Variants in UNC5B observed in about 807,000 individuals in gnomAD.
UNC5B encodes netrin receptor UNC5B.
In UNC5B, 56 loss-of-function variants were observed where a neutral mutation model predicts 103.7. That is an observed-to-expected ratio of 0.54 (90% CI 0.44 to 0.67). The LOEUF is 0.67. Ranked by LOEUF, UNC5B falls within the 30% of genes least tolerant of loss-of-function variation. The pLI, the probability that UNC5B is intolerant of heterozygous loss-of-function variation, is 0.00. For synonymous variants in UNC5B, 577 were observed against 542.0 expected (o/e 1.06, Z -0.90); for missense variants, 1,194 against 1,284.5 (o/e 0.93, Z 1.08).
intron 9 of UNC5B, 25 bp from the exon 10 acceptor site, chr10:71,291,407 C>G: frequency 3.8e-6 from 6 of 1,562,398 alleles, no homozygotes; most frequent in Non-Finnish European, 5.2e-6. Context: ...ACAGCTGGGT[C>G]TGACTATAGC....
Position 71,291,451 on chromosome 10 carries a change from C to A in UNC5B, c.1314C>A (p.His438Gln), listed in dbSNP as rs1222056570. ...TARPSNPQLL[H>Q]PSVPPDLTAS... Reference sequence around the variant, plus strand: ...CTGCAGGCAACCCGCAGCTCCTACACCCCTCTGTGCCTCCTGACCTGACAG... The same window carrying A: ...CTGCAGGCAACCCGCAGCTCCTACAACCCTCTGTGCCTCCTGACCTGACAG... Residue 438 changes from histidine (H) to glutamine (Q), a missense_variant, in exon 10 of 17, where the codon CAC (histidine) becomes CAA (glutamine). His to Gln is a conservative substitution (Grantham distance 24, BLOSUM62 0). Coordinates refer to ENST00000335350, the MANE Select transcript of UNC5B (RefSeq NM_170744.5). The A allele has an allele frequency of 1.2e-6, 2 of 1,611,218 alleles. No homozygotes were observed. The highest frequency in any genetic ancestry group is 1.7e-5 in the Admixed American group (1 of 59,814).
intron 1 of UNC5B, among the ~76,000 whole-genome samples, chr10:71,256,494 C>T (rs566500894): frequency 1.0e-3 from 160 of 152,384 alleles, no homozygotes; most frequent in Non-Finnish European, 2.0e-3. Flanking sequence ...GGGGCAACCA[C>T]CATTGCCTCA....
At chr10:71,258,597 G>A (rs966498459) in intron 1 of UNC5B, among the ~76,000 whole-genome samples, 6 of 152,190 alleles carry the variant, frequency 3.9e-5, no homozygotes, top group Non-Finnish European at 7.4e-5. Context: ...CGTGGTCTTG[G>A]GCAGCGTCCT....
In UNC5B at chr10:71,295,739, C is replaced by T. The variant is rs116093641; in HGVS notation, c.2176-72C>T. On this transcript the variant is annotated intron_variant, in intron 13 of 16. Transcript: ENST00000335350. ...TCAGATGGGCCCCTGCCCCCTGCCC[C>T]GCACAGTGCCACAGAAGAGGCCCAT... is the stretch of plus-strand genomic sequence containing the variant. 1.0e-3 allele frequency: 1,617 copies of T among 1,557,286 alleles called. 14 individuals carry two copies. In the African/African-American group the frequency reaches 0.019, roughly 18 times the overall value.
rs1188987813 is a variant in UNC5B at position 71,213,469 on chromosome 10, A to G, written c.79+405A>G. Among the ~76,000 whole-genome samples, 1 of 152,146 alleles carries G rather than the reference A, an allele frequency of 6.6e-6. No homozygotes were observed. The highest frequency in any genetic ancestry group is 1.9e-4 in the East Asian group (1 of 5,174). The stretch of plus-strand genomic sequence containing the variant: ...GCTCGCTGCCGTACGCCGGTAACTT[A>G]CTAGTCTGGTCCCGGCTCGCCTAGG... On this transcript the variant is annotated intron_variant, in intron 1 of 16. Transcript: ENST00000335350. This position sits in a 1 kb window ranked among gnomAD's most constrained non-coding sequence, Gnocchi z 4.1.
At chr10:71,268,586 G>A (rs931861791) in intron 1 of UNC5B, among the ~76,000 whole-genome samples, 2 of 152,240 alleles carry the variant, frequency 1.3e-5, no homozygotes, top group Non-Finnish European at 2.9e-5. Flanking sequence ...GCAGGCAACA[G>A]GCAAGGACTG....
At chr10:71,298,176 C>A in intron 16 of UNC5B, 86 bp downstream of exon 16, 2 of 1,459,340 alleles carry the variant, frequency 1.4e-6, no homozygotes, top group African/African-American at 1.4e-5. Context: ...GCCTGACAGC[C>A]ACGACCATCT....
chr10:71,285,241 C>T, intron 3 of UNC5B, 85 bp from the exon 4 acceptor site: 1 of 1,361,428 alleles, frequency 7.3e-7, no homozygotes, highest in Non-Finnish European at 1.0e-6. Flanking sequence ...TGGGTCTGCA[C>T]TGCCACCCAG....
In UNC5B at chr10:71,213,728, A is replaced by AGAGAGTGTGTGTGT. The variant is rs144371231; in HGVS notation, c.79+665_79+666insAGAGTGTGTGTGTG. 3.8e-5 allele frequency among the ~76,000 whole-genome samples: 5 copies of AGAGAGTGTGTGTGT among 131,472 alleles called. No individual in the cohort carries two copies. Among genetic ancestry groups the AGAGAGTGTGTGTGT allele is most frequent in the African/African-American group, 1.5e-4 (5 of 34,258 alleles). 86.3% of individuals were successfully genotyped at this position (131,472 alleles called of 152,430 possible). A position where few individuals can be genotyped will look rare whatever the true frequency, so the allele number is the denominator to read the frequency against. On this transcript the variant is annotated intron_variant, in intron 1 of 16. Coordinates refer to ENST00000335350, the MANE Select transcript of UNC5B (RefSeq NM_170744.5). This position sits in a 1 kb window ranked among gnomAD's most constrained non-coding sequence, Gnocchi z 4.1. ...ATTATTAATTTTCTGAGTGTTGGAG[A>AGAGAGTGTGTGTGT]GTGTGTGTGTGTGTGTGTGTGTGTG...
intron 1 of UNC5B, among the ~76,000 whole-genome samples, chr10:71,277,478 CCCA>C (rs1295034254): frequency 2.6e-5 from 4 of 152,224 alleles, no homozygotes; most frequent in African/African-American, 9.6e-5. Flanking sequence ...TTCTCTGCTG[CCCA>C]GATGCCCTCC....
chr10:71,240,977 T>TTTG (rs927951770), intron 1 of UNC5B, among the ~76,000 whole-genome samples: 3 of 152,138 alleles, frequency 2.0e-5, no homozygotes, highest in Admixed American at 6.5e-5. Flanking sequence ...ATTCTATAAT[T>TTTG]TTGTTGTTGT....
At chr10:71,251,100 C>T (rs1009330622) in intron 1 of UNC5B, among the ~76,000 whole-genome samples, 4 of 152,116 alleles carry the variant, frequency 2.6e-5, no homozygotes, top group African/African-American at 9.7e-5. Flanking sequence ...TATTGCTATC[C>T]CTGTTTTATT....
Position 71,213,171 on chromosome 10 carries a change from G to A in UNC5B, c.79+107G>A, listed in dbSNP as rs1843262432. On this transcript the variant is annotated intron_variant, in intron 1 of 16. Coordinates refer to ENST00000335350, the MANE Select transcript of UNC5B (RefSeq NM_170744.5). The surrounding 1 kb of genome is among the most constrained non-coding windows in gnomAD (Gnocchi z 4.1). ...TCGCATCGATGCGCGCAGGAAAAGC[G>A]GCAAGGGCGCCCAAGTTAGAATGTA... 3 of 941,232 alleles carry A rather than the reference G, an allele frequency of 3.2e-6. No homozygotes were observed. The highest frequency in any genetic ancestry group is 4.3e-5 in the Admixed American group (1 of 23,350). 58.3% of individuals were successfully genotyped at this position (941,232 alleles called of 1,614,324 possible).
In UNC5B at chr10:71,295,806, C is replaced by A. The variant is rs760626557; in HGVS notation, c.2176-5C>A. ...GTTCCCCTTCCCCATGCCCCTGGCC[C>A]ACAGGAGGTGCTGGAGCTGGAGCGG... On this transcript the variant is annotated splice_polypyrimidine_tract_variant and splice_region_variant and intron_variant, in intron 13 of 16. Coordinates refer to ENST00000335350, the MANE Select transcript of UNC5B (RefSeq NM_170744.5). 9 of 1,611,598 alleles carry A rather than the reference C, an allele frequency of 5.6e-6. No individual in the cohort carries two copies. The highest frequency in any genetic ancestry group is 6.8e-6 in the Non-Finnish European group (8 of 1,179,520).
At chr10:71,218,165 G>C (rs1327916387) in intron 1 of UNC5B, 1 of 152,730 alleles carries the variant, frequency 6.5e-6, no homozygotes, top group East Asian at 1.9e-4. Flanking sequence ...GGGGTGTCAG[G>C]TGTGTGTGGG....
At chr10:71,278,878 C>G (rs1018657857) in intron 1 of UNC5B, among the ~76,000 whole-genome samples, 1 of 152,266 alleles carries the variant, frequency 6.6e-6, no homozygotes, top group African/African-American at 2.4e-5. Flanking sequence ...GCATTTGGCA[C>G]TGGAAAATTC....
intron 1 of UNC5B, among the ~76,000 whole-genome samples, chr10:71,278,352 G>A (rs1844823725): frequency 6.6e-6 from 1 of 152,160 alleles, no homozygotes; most frequent in South Asian, 2.1e-4. Context: ...CACCTCTTGT[G>A]CTCATCAGAC....
intron 1 of UNC5B, among the ~76,000 whole-genome samples, chr10:71,221,989 G>GTCATCATCATCA (rs149864220): frequency 6.6e-6 from 1 of 151,494 alleles, no homozygotes; most frequent in Non-Finnish European, 1.5e-5. Context: ...ATTCACTACT[G>GTCATCATCATCA]TCATCATCAT....
chr10:71,229,807 G>A (rs1843646942), intron 1 of UNC5B, among the ~76,000 whole-genome samples: 1 of 152,166 alleles, frequency 6.6e-6, no homozygotes. Flanking sequence ...GGGTGCATGA[G>A]GGCCCCGTGT....
Sources: gnomAD v4.1 joint callset for allele counts (sites outside exome capture counted in the v4.1 genomes callset) on GRCh38, gnomAD v4.1.1 for gene constraint, Gnocchi (gnomAD v3.1) non-coding constraint, MANE v1.5 for transcripts, NCBI Gene and HGNC (gene_info 2026-07-23, HGNC 2026-07-21) for gene names.